LCE3A: variants seen among roughly 807,000 people sequenced by gnomAD.
LCE3A encodes late cornified envelope 3A.
For synonymous variants in LCE3A, 46 were observed against 42.7 expected, an observed-to-expected ratio of 1.08 and a Z score of -0.30; for missense variants, 130 against 113.9, an observed-to-expected ratio of 1.14 and a Z score of -0.64.
chr1:152,622,846 C>T lies in LCE3A; in HGVS notation c.258G>A (p.Ala86=). 1.9e-6 allele frequency: 3 copies of T among 1,614,008 alleles called. No homozygotes were observed. Among genetic ancestry groups the T allele is most frequent in the Non-Finnish European group, 1.7e-6 (2 of 1,180,010 alleles). Residue 86 remains alanine (A), a synonymous_variant, in exon 1 of 1, where the codon GCG becomes GCA. Coordinates refer to ENST00000335674, the MANE Select transcript of LCE3A (RefSeq NM_178431.1). ...GGSSSCGHSS[A]GCC is the part of the protein sequence containing the mutation. ...CTCGTGGCTCAGGTCAGCAGCAGCC[C>T]GCAGAACTGTGGCCACAGCTGGAGC... is the stretch of plus-strand genomic sequence containing the variant.
chr1:152,623,038 T>C lies in LCE3A; in HGVS notation c.66A>G (p.Ala22=). ...PPPKCPAKSP[A]QCLPPASSSC... is the part of the protein sequence containing the mutation. ...TGGAGGAAGCTGGAGGCAGACACTGTGCTGGGCTCTTTGCAGGGCACTTGG... is the reference window on the plus strand; with the variant it reads ...TGGAGGAAGCTGGAGGCAGACACTGCGCTGGGCTCTTTGCAGGGCACTTGG... The change falls in exon 1 of 1, where the codon GCA becomes GCG. Residue 22 remains alanine, a synonymous_variant. Coordinates refer to ENST00000335674, the MANE Select transcript of LCE3A (RefSeq NM_178431.1). 6.2e-7 allele frequency: 1 copy of C among 1,614,198 alleles called. No homozygotes were observed. Among genetic ancestry groups the C allele is most frequent in the Non-Finnish European group, 8.5e-7 (1 of 1,180,036 alleles).
At position 152,623,095 on chromosome 1, in the gene LCE3A, G is replaced by A; in HGVS notation, c.9C>T (p.Cys3=). 6.2e-7 allele frequency: 1 copy of A among 1,614,202 alleles called. No homozygotes were observed. Among genetic ancestry groups the A allele is most frequent in the Non-Finnish European group, 8.5e-7 (1 of 1,180,034 alleles). ...GCTGGCACTGCTGCTGGTTCTGCTG[G>A]CAGGACATCTAGGCAGGAGGTCAGG... MS[C]QQNQQQCQPP... is the part of the protein sequence containing the mutation. The change falls in exon 1 of 1, where the codon TGC becomes TGT. Residue 3 remains cysteine (C), a synonymous_variant. Transcript: ENST00000335674.
Position 152,623,052 on chromosome 1 carries a change from C to A in LCE3A, c.52G>T (p.Ala18Ser). ...QQCQPPPKCP[A>S]KSPAQCLPPA... ...GGCAGACACTGTGCTGGGCTCTTTG[C>A]AGGGCACTTGGGCGGAGGCTGGCAC... The change falls in exon 1 of 1, where the codon GCA (alanine) becomes TCA (serine). Residue 18 changes from alanine (A) to serine (S), a missense_variant. Coordinates refer to ENST00000335674, the MANE Select transcript of LCE3A (RefSeq NM_178431.1). 6.2e-7 allele frequency: 1 copy of A among 1,614,220 alleles called. No individual in the cohort carries two copies. Among genetic ancestry groups the A allele is most frequent in the Non-Finnish European group, 8.5e-7 (1 of 1,180,034 alleles).
Position 152,623,031 on chromosome 1 carries a change from G to A in LCE3A, c.73C>T (p.Leu25=). Residue 25 remains leucine (L), a synonymous_variant, in exon 1 of 1, where the codon CTG becomes TTG. Transcript: ENST00000335674. ...GCACAGCTGGAGGAAGCTGGAGGCA[G>A]ACACTGTGCTGGGCTCTTTGCAGGG... ...KCPAKSPAQC[L]PPASSSCAPS... 1 of 1,614,252 alleles carries A rather than the reference G, an allele frequency of 6.2e-7. No homozygotes were observed. The highest frequency in any genetic ancestry group is 1.3e-5 in the African/African-American group (1 of 75,070).
In LCE3A at chr1:152,622,965, A is replaced by G. The variant is rs1280531396; in HGVS notation, c.139T>C (p.Cys47Arg). The G allele has an allele frequency of 1.2e-6, 2 of 1,614,172 alleles. No individual in the cohort carries two copies. Among genetic ancestry groups the G allele is most frequent in the African/African-American group, 2.7e-5 (2 of 75,042 alleles). Reference protein sequence around the residue: ...GGCGPSSERSCCLSHHRCRRS... With the variant: ...GGCGPSSERSRCLSHHRCRRS... The stretch of plus-strand genomic sequence containing the variant: ...CGGCATCTGTGGTGACTCAGGCAGC[A>G]GCTGCGCTCGGAGCTGGGCCCACAG... Residue 47 changes from cysteine (C) to arginine (R), a missense_variant, in exon 1 of 1, where the codon TGC becomes CGC. Cys to Arg is a radical substitution (Grantham distance 180). Coordinates refer to ENST00000335674, the MANE Select transcript of LCE3A (RefSeq NM_178431.1).
Position 152,622,846 on chromosome 1 carries a change from C to A in LCE3A, c.258G>T (p.Ala86=). 1 of 1,614,008 alleles carries A rather than the reference C, an allele frequency of 6.2e-7. No individual in the cohort carries two copies. The change falls in exon 1 of 1, where the codon GCG becomes GCT. Residue 86 remains alanine, a synonymous_variant. Transcript: ENST00000335674. ...GGSSSCGHSS[A]GCC ...CTCGTGGCTCAGGTCAGCAGCAGCC[C>A]GCAGAACTGTGGCCACAGCTGGAGC...
At position 152,622,942 on chromosome 1, in the gene LCE3A, G is replaced by A; in HGVS notation, c.162C>T (p.Cys54=). ...ERSCCLSHHR[C]RRSHRCRCQS... ...GGCAACGGCAACGGTGAGACCTGCG[G>A]CATCTGTGGTGACTCAGGCAGCAGC... Residue 54 remains cysteine (C), a synonymous_variant, in exon 1 of 1, where the codon TGC becomes TGT. Coordinates refer to ENST00000335674, the MANE Select transcript of LCE3A (RefSeq NM_178431.1). 6.2e-7 allele frequency: 1 copy of A among 1,614,174 alleles called. No homozygotes were observed. The highest frequency in any genetic ancestry group is 8.5e-7 in the Non-Finnish European group (1 of 1,180,034).
Position 152,622,916 on chromosome 1 carries a change from TGGCAAC to T in LCE3A, c.182_187del (p.Arg61_Cys62del), listed in dbSNP as rs769414775. On this transcript the variant is annotated inframe_deletion, in exon 1 of 1. Transcript: ENST00000335674. ...TCCCCTGTCACAGGAGTTGGAGCTC[TGGCAAC>T]GGCAACGGTGAGACCTGCGGCATCT... is the stretch of plus-strand genomic sequence containing the variant. 2 of 1,614,180 alleles carry T rather than the reference TGGCAAC, an allele frequency of 1.2e-6. No individual in the cohort carries two copies. The highest frequency in any genetic ancestry group is 1.7e-6 in the Non-Finnish European group (2 of 1,180,024).
Position 152,622,936 on chromosome 1 carries a change from C to T in LCE3A, c.168G>A (p.Arg56=), listed in dbSNP as rs758179270. 6 of 1,614,090 alleles carry T rather than the reference C, an allele frequency of 3.7e-6. No homozygotes were observed. Among genetic ancestry groups the T allele is most frequent in the East Asian group, 4.5e-5 (2 of 44,880 alleles). ...SCCLSHHRCR[R]SHRCRCQSSN... Reference sequence around the variant, plus strand: ...AGCTCTGGCAACGGCAACGGTGAGACCTGCGGCATCTGTGGTGACTCAGGC... The same window carrying T: ...AGCTCTGGCAACGGCAACGGTGAGATCTGCGGCATCTGTGGTGACTCAGGC... Residue 56 remains arginine (R), a synonymous_variant, in exon 1 of 1, where the codon AGG becomes AGA. Coordinates refer to ENST00000335674, the MANE Select transcript of LCE3A (RefSeq NM_178431.1).
At chr1:152,623,073 G>A in the LCE3A span, 1 of 1,614,236 alleles carries the variant, frequency 6.2e-7, no homozygotes, top group Non-Finnish European at 8.5e-7. Context: ...GGCGGAGGCT[G>A]GCACTGCTGC....
In LCE3A at chr1:152,623,081, T is replaced by C; in HGVS notation, c.23A>G (p.Gln8Arg). The change falls in exon 1 of 1, where the codon CAG becomes CGG. Residue 8 changes from glutamine (Q) to arginine (R), a missense_variant. Physicochemically the swap from Gln to Arg is conservative, Grantham distance 43. Transcript: ENST00000335674. Reference protein sequence around the residue: MSCQQNQQQCQPPPKCPA... With the variant: MSCQQNQRQCQPPPKCPA... Reference sequence around the variant, plus strand: ...GCACTTGGGCGGAGGCTGGCACTGCTGCTGGTTCTGCTGGCAGGACATCTA... The same window carrying C: ...GCACTTGGGCGGAGGCTGGCACTGCCGCTGGTTCTGCTGGCAGGACATCTA... 1 of 1,614,092 alleles carries C rather than the reference T, an allele frequency of 6.2e-7. No homozygotes were observed. Among genetic ancestry groups the C allele is most frequent in the East Asian group, 2.2e-5 (1 of 44,888 alleles).
At position 152,622,989 on chromosome 1, in the gene LCE3A, A is replaced by G. The variant is rs1427782005; in HGVS notation, c.115T>C (p.Cys39Arg). Residue 39 changes from cysteine (C) to arginine (R), a missense_variant, in exon 1 of 1, where the codon TGT becomes CGT. Cys to Arg is a radical substitution (Grantham distance 180, BLOSUM62 -3). Transcript: ENST00000335674. ...SSSCAPSSGG[C>R]GPSSERSCCL... ...CAGCTGCGCTCGGAGCTGGGCCCAC[A>G]GCCCCCAGAGCTTGGGGCACAGCTG... 6.2e-7 allele frequency: 1 copy of G among 1,614,172 alleles called. No homozygotes were observed. The highest frequency in any genetic ancestry group is 1.1e-5 in the South Asian group (1 of 91,082).
rs764924965 is a variant in LCE3A at position 152,622,991 on chromosome 1, C to A, written c.113G>T (p.Gly38Val). Residue 38 changes from glycine to valine, a missense_variant, in exon 1 of 1, where the codon GGC (glycine) becomes GTC (valine). Gly to Val is a moderately radical substitution (Grantham distance 109). Transcript: ENST00000335674. ...ASSSCAPSSG[G>V]CGPSSERSCC... Reference sequence around the variant, plus strand: ...GCTGCGCTCGGAGCTGGGCCCACAGCCCCCAGAGCTTGGGGCACAGCTGGA... The same window carrying A: ...GCTGCGCTCGGAGCTGGGCCCACAGACCCCAGAGCTTGGGGCACAGCTGGA... 5 of 1,614,046 alleles carry A rather than the reference C, an allele frequency of 3.1e-6. No homozygotes were observed. Among genetic ancestry groups the A allele is most frequent in the East Asian group, 2.2e-5 (1 of 44,874 alleles).
At position 152,622,901 on chromosome 1, in the gene LCE3A, C is replaced by T. The variant is rs1305695430; in HGVS notation, c.203G>A (p.Cys68Tyr). The T allele has an allele frequency of 6.2e-7, 1 of 1,614,220 alleles. No individual in the cohort carries two copies. The highest frequency in any genetic ancestry group is 1.1e-5 in the South Asian group (1 of 91,090). ...HRCRCQSSNSCDRGSGQQGGS... is the reference protein window; with the variant it reads ...HRCRCQSSNSYDRGSGQQGGS... ...GCCTTGCTGACCACTTCCCCTGTCA[C>T]AGGAGTTGGAGCTCTGGCAACGGCA... The change falls in exon 1 of 1, where the codon TGT becomes TAT. Residue 68 changes from cysteine (C) to tyrosine (Y), a missense_variant. Physicochemically the swap from Cys to Tyr is radical, Grantham distance 194. Transcript: ENST00000335674.
rs761525258 is a variant in LCE3A, at chr1:152,622,928, C to T, written c.176G>A (p.Arg59His). The change falls in exon 1 of 1, where the codon CGT becomes CAT. Residue 59 changes from arginine to histidine, a missense_variant. Arg to His is a conservative substitution (Grantham distance 29). Transcript: ENST00000335674. ...LSHHRCRRSHRCRCQSSNSCD... is the reference protein window; with the variant it reads ...LSHHRCRRSHHCRCQSSNSCD... ...GGAGTTGGAGCTCTGGCAACGGCAA[C>T]GGTGAGACCTGCGGCATCTGTGGTG... is the stretch of plus-strand genomic sequence containing the variant. 2.5e-6 allele frequency: 4 copies of T among 1,614,192 alleles called. No homozygotes were observed. The highest frequency in any genetic ancestry group is 3.3e-5 in the Admixed American group (2 of 60,028).
Position 152,623,065 on chromosome 1 carries a change from C to G in LCE3A, c.39G>C (p.Pro13=), listed in dbSNP as rs749683753. ...CQQNQQQCQP[P]PKCPAKSPAQ... is the part of the protein sequence containing the mutation. ...CTGGGCTCTTTGCAGGGCACTTGGG[C>G]GGAGGCTGGCACTGCTGCTGGTTCT... The change falls in exon 1 of 1, where the codon CCG becomes CCC. Residue 13 remains proline (P), a synonymous_variant. Transcript: ENST00000335674. 22 of 1,614,034 alleles carry G rather than the reference C, an allele frequency of 1.4e-5. No homozygotes were observed. Among genetic ancestry groups the G allele is most frequent in the Non-Finnish European group, 1.8e-5 (21 of 1,180,024 alleles).
In LCE3A at chr1:152,622,859, C is replaced by A. The variant is rs138155682; in HGVS notation, c.245G>T (p.Gly82Val). The A allele has an allele frequency of 1.8e-5, 29 of 1,614,004 alleles. No individual in the cohort carries two copies. Among genetic ancestry groups the A allele is most frequent in the African/African-American group, 5.3e-5 (4 of 74,920 alleles). ...TCAGCAGCAGCCCGCAGAACTGTGG[C>A]CACAGCTGGAGCTCCCGCCTTGCTG... ...SGQQGGSSSC[G>V]HSSAGCC Residue 82 changes from glycine (G) to valine (V), a missense_variant, in exon 1 of 1, where the codon GGC becomes GTC. Coordinates refer to ENST00000335674, the MANE Select transcript of LCE3A (RefSeq NM_178431.1).
chr1:152,622,866 TGGA>T lies in LCE3A; in HGVS notation c.235_237del (p.Ser80del). The T allele has an allele frequency of 6.2e-7, 1 of 1,614,180 alleles. No individual in the cohort carries two copies. The highest frequency in any genetic ancestry group is 8.5e-7 in the Non-Finnish European group (1 of 1,180,046). ...CAGCCCGCAGAACTGTGGCCACAGCTGGAGCTCCCGCCTTGCTGACCACTTCCC... is the reference window on the plus strand; with the variant it reads ...CAGCCCGCAGAACTGTGGCCACAGCTGCTCCCGCCTTGCTGACCACTTCCC... On this transcript the variant is annotated inframe_deletion, in exon 1 of 1. Coordinates refer to ENST00000335674, the MANE Select transcript of LCE3A (RefSeq NM_178431.1).
rs770002878 is a variant in LCE3A, at chr1:152,622,887, C to A, written c.217G>T (p.Gly73Cys). Residue 73 changes from glycine to cysteine, a missense_variant, in exon 1 of 1, where the codon GGT (glycine) becomes TGT (cysteine). Physicochemically the swap from Gly to Cys is radical, Grantham distance 159 (BLOSUM62 -3). Coordinates refer to ENST00000335674, the MANE Select transcript of LCE3A (RefSeq NM_178431.1). ...CAGCTGGAGCTCCCGCCTTGCTGAC[C>A]ACTTCCCCTGTCACAGGAGTTGGAG... ...QSSNSCDRGS[G>C]QQGGSSSCGH... The A allele has an allele frequency of 1.2e-6, 2 of 1,614,186 alleles. No individual in the cohort carries two copies. Among genetic ancestry groups the A allele is most frequent in the East Asian group, 4.5e-5 (2 of 44,880 alleles).
Sources: allele counts gnomAD v4.1 joint callset, GRCh38; gene constraint gnomAD v4.1.1; transcripts MANE v1.5; gene names NCBI Gene and HGNC (gene_info 2026-07-23, HGNC 2026-07-21).